The following THSD7B variants were observed in gnomAD, a reference collection of about 807,000 sequenced individuals.
THSD7B encodes thrombospondin type 1 domain containing 7B, also known as thrombospondin type-1 domain-containing protein 7B.
In THSD7B, 138 loss-of-function variants were observed where a neutral mutation model predicts 213.6. The observed-to-expected ratio is 0.65, with a 90% CI of 0.56 to 0.74. THSD7B has a LOEUF of 0.74. THSD7B is among the 30% of genes least tolerant of loss of function. The pLI, the probability that THSD7B is intolerant of heterozygous loss-of-function variation, is 0.00. For synonymous variants in THSD7B, 742 were observed against 687.0 expected (o/e 1.08, Z -1.25); for missense variants, 1,931 against 1,991.5 (o/e 0.97, Z 0.58).
intron 17 of THSD7B, among the ~76,000 whole-genome samples, chr2:137,614,283 C>T (rs1236753029): frequency 1.3e-5 from 2 of 152,072 alleles, no homozygotes; most frequent in Non-Finnish European, 2.9e-5. Flanking sequence ...TCATCCCATC[C>T]CCATTCTTCT....
At chr2:136,898,446 AC>A (rs1684002374) in intron 2 of THSD7B, among the ~76,000 whole-genome samples, 1 of 152,100 alleles carries the variant, frequency 6.6e-6, no homozygotes, top group Admixed American at 6.5e-5. Flanking sequence ...TGCTGGGATT[AC>A]AGGCATGAGC....
At chr2:136,856,272 G>A (rs1683179804) in intron 1 of THSD7B, among the ~76,000 whole-genome samples, 1 of 152,110 alleles carries the variant, frequency 6.6e-6, no homozygotes, top group Non-Finnish European at 1.5e-5. Flanking sequence ...AGAGTTGGGA[G>A]GATGGGACTG....
intron 2 of THSD7B, chr2:136,990,821 T>C (rs1394742358): frequency 8.1e-7 from 1 of 1,235,134 alleles, no homozygotes; most frequent in Non-Finnish European, 1.1e-6. Flanking sequence ...CCGATGGTGT[T>C]TCTTCTGAGT....
intron 1 of THSD7B, among the ~76,000 whole-genome samples, chr2:136,810,218 C>T (rs1272220784): frequency 6.6e-6 from 1 of 152,178 alleles, no homozygotes; most frequent in Non-Finnish European, 1.5e-5. Context: ...GAAAGTAGTG[C>T]AGCCACAGAG....
rs545536480 is a variant in THSD7B at position 137,314,853 on chromosome 2, A to C, written c.2500+38827A>C. Among the ~76,000 whole-genome samples the C allele has an allele frequency of 9.7e-4, 148 of 152,320 alleles. 2 individuals carry two copies. Among genetic ancestry groups the C allele is most frequent in the African/African-American group, 3.4e-3 (143 of 41,588 alleles). ...GGGTCAGGGACCCACTTGAGGTGGCAGTCTGCCCGTTCTCAGATCTCCAGC... is the reference window on the plus strand; with the variant it reads ...GGGTCAGGGACCCACTTGAGGTGGCCGTCTGCCCGTTCTCAGATCTCCAGC... On this transcript the variant is annotated intron_variant, in intron 12 of 27. Coordinates refer to ENST00000409968, the MANE Select transcript of THSD7B (RefSeq NM_001316349.2).
intron 27 of THSD7B, 87 bp from the exon 28 acceptor site, chr2:137,676,437 A>T: frequency 1.6e-6 from 2 of 1,238,338 alleles, no homozygotes; most frequent in Non-Finnish European, 2.2e-6. Flanking sequence ...TTTACCGCTT[A>T]AATTTCTGTA....
chr2:137,457,186 A>C (rs933134639), intron 15 of THSD7B, among the ~76,000 whole-genome samples: 3 of 152,160 alleles, frequency 2.0e-5, no homozygotes, highest in Non-Finnish European at 2.9e-5. Context: ...TGAATCTTTG[A>C]TCATTATTCT....
At chr2:137,241,184 C>T (rs1180112417) in intron 9 of THSD7B, among the ~76,000 whole-genome samples, 1 of 152,218 alleles carries the variant, frequency 6.6e-6, no homozygotes, top group Non-Finnish European at 1.5e-5. Flanking sequence ...TAACTCAGCA[C>T]TGGCTATCCA....
intron 1 of THSD7B, among the ~76,000 whole-genome samples, chr2:136,825,718 A>ATTTTTTTTTTTTTTGTTTTTGT: frequency 8.6e-6 from 1 of 116,898 alleles, no homozygotes; most frequent in South Asian, 3.1e-4. Flanking sequence ...TGCCTGGCTA[A>ATTTTTTTTTTTTTTGTTTTTGT]TTTTTTTTTT....
intron 7 of THSD7B, among the ~76,000 whole-genome samples, chr2:137,196,662 T>G (rs758219004): frequency 6.6e-6 from 1 of 152,150 alleles, no homozygotes; most frequent in African/African-American, 2.4e-5. Context: ...TGCCTTCTGA[T>G]AGTTCACTGT....
intron 5 of THSD7B, among the ~76,000 whole-genome samples, chr2:137,131,021 C>A (rs916901152): frequency 6.7e-6 from 1 of 148,722 alleles, no homozygotes; most frequent in Non-Finnish European, 1.5e-5. Flanking sequence ...CCTATTTCTC[C>A]ACATCCTCTC....
chr2:137,198,399 T>A (rs2105021615), intron 7 of THSD7B, among the ~76,000 whole-genome samples: 1 of 152,298 alleles, frequency 6.6e-6, no homozygotes, highest in Non-Finnish European at 1.5e-5. Context: ...GACTTATGTT[T>A]AATAAAAATC....
intron 7 of THSD7B, among the ~76,000 whole-genome samples, chr2:137,206,658 A>G (rs1680990787): frequency 6.6e-6 from 1 of 152,178 alleles, no homozygotes; most frequent in Non-Finnish European, 1.5e-5. Context: ...GAGAAAGACC[A>G]TAAAGGATTT....
At chr2:136,862,608 T>A (rs1683272749) in intron 1 of THSD7B, among the ~76,000 whole-genome samples, 1 of 152,168 alleles carries the variant, frequency 6.6e-6, no homozygotes, top group Non-Finnish European at 1.5e-5. Context: ...TAATTTAGGA[T>A]CATCAACTGG....
rs2104817604 is a variant in THSD7B, at chr2:137,656,931, G to A, written c.4241G>A (p.Ser1414Asn). 1 of 1,614,030 alleles carries A rather than the reference G, an allele frequency of 6.2e-7. No homozygotes were observed. Among genetic ancestry groups the A allele is most frequent in the Non-Finnish European group, 8.5e-7 (1 of 1,179,890 alleles). Residue 1414 changes from serine (S) to asparagine (N), a missense_variant, in exon 23 of 28, where the codon AGC (serine) becomes AAC (asparagine). Transcript: ENST00000409968. ...ATTCAGTCTTTTGAGAACCAAGACA[G>A]CTGCCCCCAACAGGTTCTAGAAACA... Reference protein sequence around the residue: ...FIIQSFENQDSCPQQVLETRP... With the variant: ...FIIQSFENQDNCPQQVLETRP...
intron 7 of THSD7B, among the ~76,000 whole-genome samples, chr2:137,227,935 C>G (rs1330927233): frequency 6.6e-6 from 1 of 151,934 alleles, no homozygotes; most frequent in African/African-American, 2.4e-5. Context: ...TGTTAGACAC[C>G]TAGATATGTA....
At chr2:136,860,129 T>C (rs1320768899) in intron 1 of THSD7B, among the ~76,000 whole-genome samples, 2 of 150,872 alleles carry the variant, frequency 1.3e-5, no homozygotes, top group African/African-American at 4.9e-5. Context: ...GCCATTCTCC[T>C]GCCTCAGCCT....
intron 15 of THSD7B, among the ~76,000 whole-genome samples, chr2:137,485,438 T>TATAGG (rs1404270935): frequency 6.6e-6 from 1 of 152,164 alleles, no homozygotes; most frequent in Non-Finnish European, 1.5e-5. Flanking sequence ...TGTAGTATAG[T>TATAGG]TTGAAGTCAG....
At chr2:137,173,605 G>A (rs186857322) in intron 7 of THSD7B, among the ~76,000 whole-genome samples, 4 of 152,292 alleles carry the variant, frequency 2.6e-5, no homozygotes, top group East Asian at 3.9e-4. Flanking sequence ...TATCAGCTCC[G>A]TGAAGTCTTT....
Sources: gnomAD v4.1 joint callset for allele counts (sites outside exome capture counted in the v4.1 genomes callset) on GRCh38, gnomAD v4.1.1 for gene constraint, MANE v1.5 for transcripts, NCBI Gene and HGNC (gene_info 2026-07-23, HGNC 2026-07-21) for gene names.